ELMO1: variants seen among roughly 807,000 people sequenced by gnomAD.
The protein encoded by ELMO1 is engulfment and cell motility protein 1.
In ELMO1, 26 loss-of-function variants were observed where a neutral mutation model predicts 98.9. The observed-to-expected ratio is 0.26, with a 90% CI of 0.19 to 0.36. The LOEUF (loss-of-function observed/expected upper bound fraction) is 0.36, where lower values mean the gene tolerates loss of function less well. Ranked by LOEUF, ELMO1 falls within the 10% of genes least tolerant of loss-of-function variation. The pLI is 1.00. For synonymous variants in ELMO1, 346 were observed against 346.0 expected (o/e 1.00, Z 0.00); for missense variants, 627 against 935.2 (o/e 0.67, Z 4.30).
At chr7:37,136,247 T>A (rs1300757136) in intron 13 of ELMO1, among the ~76,000 whole-genome samples, 1 of 152,300 alleles carries the variant, frequency 6.6e-6, no homozygotes, top group East Asian at 1.9e-4. Flanking sequence ...AACCTAAGAA[T>A]AATTGGTGTT....
chr7:37,365,670 G>C (rs1801875837), intron 1 of ELMO1, among the ~76,000 whole-genome samples: 1 of 152,202 alleles, frequency 6.6e-6, no homozygotes, highest in Non-Finnish European at 1.5e-5. Flanking sequence ...GTGGGGAGTT[G>C]AAGAACTAAC....
chr7:37,392,404 C>A (rs1005734807), intron 1 of ELMO1, among the ~76,000 whole-genome samples: 2 of 152,212 alleles, frequency 1.3e-5, no homozygotes, highest in African/African-American at 4.8e-5. Context: ...CAAAGCCATT[C>A]GAGAGTCCAT....
intron 1 of ELMO1, among the ~76,000 whole-genome samples, chr7:37,423,097 G>A (rs1583734674): frequency 6.6e-6 from 1 of 152,220 alleles, no homozygotes; most frequent in South Asian, 2.1e-4. Context: ...CTCTTAGTGA[G>A]GCACCAGTGT....
intron 9 of ELMO1, among the ~76,000 whole-genome samples, chr7:37,223,166 T>G (rs1216555037): frequency 6.6e-6 from 1 of 152,226 alleles, no homozygotes; most frequent in African/African-American, 2.4e-5. Flanking sequence ...TTTCCAAATA[T>G]AAACATTTCA....
intron 15 of ELMO1, among the ~76,000 whole-genome samples, chr7:37,036,543 T>C (rs1023460333): frequency 3.2e-4 from 48 of 152,224 alleles, no homozygotes; most frequent in African/African-American, 1.0e-3. Flanking sequence ...TAGTCAATTT[T>C]TAAAATTTTT....
At chr7:37,052,010 A>G (rs1584568908) in intron 15 of ELMO1, among the ~76,000 whole-genome samples, 1 of 152,280 alleles carries the variant, frequency 6.6e-6, no homozygotes, top group East Asian at 1.9e-4. Flanking sequence ...TCATTCCCTT[A>G]TGATCCATGT....
rs1309733984 is a variant in ELMO1, at chr7:37,314,723, CT to C, written c.192+126del. The C allele has an allele frequency of 1.1e-5, 8 of 732,648 alleles. No individual in the cohort carries two copies. The African/African-American group carries it at 1.4e-4, about 13-fold the overall frequency. 45.4% of individuals were successfully genotyped at this position (732,648 alleles called of 1,614,324 possible). A position where few individuals can be genotyped will look rare whatever the true frequency, so the allele number is the denominator to read the frequency against. On this transcript the variant is annotated intron_variant, in intron 4 of 21. Transcript: ENST00000310758. The stretch of plus-strand genomic sequence containing the variant: ...AAGTAGCAGTTGTTTGCTTTACAGA[CT>C]CTATTTTCGTGGATAGTAGAGACCT...
At chr7:37,280,812 A>G (rs1020709483) in intron 4 of ELMO1, among the ~76,000 whole-genome samples, 1 of 152,160 alleles carries the variant, frequency 6.6e-6, no homozygotes, top group Admixed American at 6.5e-5. Flanking sequence ...AAGAACCAGA[A>G]GTAGAACTAC....
At chr7:36,857,180 C>G (rs1242000008) in intron 21 of ELMO1, among the ~76,000 whole-genome samples, 1 of 152,148 alleles carries the variant, frequency 6.6e-6, no homozygotes, top group Non-Finnish European at 1.5e-5. Flanking sequence ...TGATCTCAGC[C>G]AAAGCATTTA....
Position 37,174,860 on chromosome 7 carries a change from T to C in ELMO1, c.1086+36526A>G, listed in dbSNP as rs558147633. On this transcript the variant is annotated intron_variant, in intron 13 of 21. Coordinates refer to ENST00000310758, the MANE Select transcript of ELMO1 (RefSeq NM_014800.11). ...TTAAATCACTTGTAAGCACTAGCTT[T>C]CATAGCCTCTCTTCTATCAATAAGC... Among the ~76,000 whole-genome samples the C allele has an allele frequency of 9.9e-5, 15 of 152,236 alleles. No homozygotes were observed. The South Asian group carries it at 2.9e-3, about 29-fold the overall frequency.
chr7:36,946,671 T>G (rs1364665216), intron 16 of ELMO1, among the ~76,000 whole-genome samples: 1 of 152,222 alleles, frequency 6.6e-6, no homozygotes, highest in Non-Finnish European at 1.5e-5. Flanking sequence ...CATTTTTCAC[T>G]GAAAATAGTC....
chr7:37,121,581 G>A (rs1003493472), intron 14 of ELMO1, among the ~76,000 whole-genome samples: 3 of 152,164 alleles, frequency 2.0e-5, no homozygotes, highest in Admixed American at 6.5e-5. Flanking sequence ...GAGAAAAAAA[G>A]AATAAAAAGA....
rs190738663 is a variant in ELMO1 at position 37,219,067 on chromosome 7, C to A, written c.781-2372G>T. Among the ~76,000 whole-genome samples the A allele has an allele frequency of 2.0e-5, 3 of 152,310 alleles. No homozygotes were observed. The East Asian group carries it at 5.8e-4, about 29-fold the overall frequency. ...CGCCTAACAGCAACCTCCTCCCCGA[C>A]AAAACTAGCCCAGCCCTTCCCTCCG... On this transcript the variant is annotated intron_variant, in intron 10 of 21. Coordinates refer to ENST00000310758, the MANE Select transcript of ELMO1 (RefSeq NM_014800.11).
chr7:37,391,375 C>A (rs932025352), intron 1 of ELMO1, among the ~76,000 whole-genome samples: 1 of 152,148 alleles, frequency 6.6e-6, no homozygotes, highest in Admixed American at 6.5e-5. Flanking sequence ...CCCGGCCCCC[C>A]GAAGTGCTGG....
chr7:37,105,012 A>G (rs1190201919), intron 14 of ELMO1, among the ~76,000 whole-genome samples: 1 of 152,206 alleles, frequency 6.6e-6, no homozygotes, highest in Non-Finnish European at 1.5e-5. Context: ...TAAATATAAA[A>G]TGGCAAGGAA....
At chr7:37,164,413 A>G (rs992427834) in intron 13 of ELMO1, among the ~76,000 whole-genome samples, 13 of 152,272 alleles carry the variant, frequency 8.5e-5, no homozygotes, top group East Asian at 3.9e-4. Flanking sequence ...GTCCTTGCCC[A>G]TGCCTATGTC....
At chr7:37,290,167 A>G (rs527687813) in intron 4 of ELMO1, among the ~76,000 whole-genome samples, 1 of 152,358 alleles carries the variant, frequency 6.6e-6, no homozygotes, top group Non-Finnish European at 1.5e-5. Flanking sequence ...ATTAACTGAT[A>G]TTAAGAGACA....
At chr7:36,885,333 A>ACAACAACAACAACAACAACAG (rs1804870249) in intron 18 of ELMO1, among the ~76,000 whole-genome samples, 3 of 144,108 alleles carry the variant, frequency 2.1e-5, no homozygotes, top group Admixed American at 6.9e-5. Flanking sequence ...AACAACAACA[A>ACAACAACAACAACAACAACAG]CAACAACAAC....
intron 1 of ELMO1, among the ~76,000 whole-genome samples, chr7:37,421,548 A>T (rs1006820744): frequency 1.3e-5 from 2 of 152,242 alleles, no homozygotes; most frequent in Non-Finnish European, 2.9e-5. Context: ...GATAGTCCTC[A>T]TGATATCAAA....
Sources: gnomAD v4.1 joint callset for allele counts (sites outside exome capture counted in the v4.1 genomes callset) on GRCh38, gnomAD v4.1.1 for gene constraint, MANE v1.5 for transcripts, NCBI Gene and HGNC (gene_info 2026-07-23, HGNC 2026-07-21) for gene names.